Variants in DNAH9 observed in about 807,000 individuals in gnomAD.
DNAH9 encodes the protein DNAH9 variant protein.
In DNAH9, 345 loss-of-function variants were observed where a neutral mutation model predicts 471.6. The ratio of observed to expected loss-of-function variants is 0.73; its 90% confidence interval spans 0.67 to 0.80. DNAH9 has a LOEUF of 0.80. Ranked by LOEUF, DNAH9 falls within the 30% of genes least tolerant of loss-of-function variation. The probability of loss-of-function intolerance (pLI) is 0.00; values close to 1 mark genes in which losing one functional copy is unlikely to be tolerated. For missense variants in DNAH9, 5,407 were observed against 5,609.2 expected (o/e 0.96, Z 1.15); for synonymous variants, 2,093 against 2,123.6 (o/e 0.99, Z 0.40).
intron 38 of DNAH9, among the ~76,000 whole-genome samples, chr17:11,769,697 C>T (rs1389465243): frequency 6.6e-5 from 10 of 152,182 alleles, no homozygotes; most frequent in Non-Finnish European, 1.0e-4. Flanking sequence ...TCATTTAATT[C>T]ATCTCTCATA....
At chr17:11,802,319 C>G (rs1301784518) in intron 43 of DNAH9, among the ~76,000 whole-genome samples, 1 of 152,092 alleles carries the variant, frequency 6.6e-6, no homozygotes, top group Non-Finnish European at 1.5e-5. Context: ...AGAAAGGTAC[C>G]ACCTTCTGAG....
intron 38 of DNAH9, among the ~76,000 whole-genome samples, chr17:11,775,595 CTTTTTTT>C (rs71142246): frequency 1.5e-4 from 9 of 61,000 alleles, no homozygotes; most frequent in Non-Finnish European, 1.8e-4. Flanking sequence ...ATCAGATGTT[CTTTTTTT>C]TTTTTTTTTT....
At chr17:11,889,525 G>A (rs919642512) in intron 57 of DNAH9, among the ~76,000 whole-genome samples, 1 of 152,188 alleles carries the variant, frequency 6.6e-6, no homozygotes, top group Non-Finnish European at 1.5e-5. Flanking sequence ...TGTTGCCACA[G>A]TCCTTATGCC....
chr17:11,865,309 G>A (rs1354703823), intron 50 of DNAH9, among the ~76,000 whole-genome samples: 2 of 151,812 alleles, frequency 1.3e-5, no homozygotes. Context: ...GAAATTCTGG[G>A]TTGAAAATTC....
At chr17:11,668,767 A>G (rs1008106676) in intron 15 of DNAH9, among the ~76,000 whole-genome samples, 11 of 151,874 alleles carry the variant, frequency 7.2e-5, no homozygotes, top group Admixed American at 1.3e-4. Flanking sequence ...GCTTGGGCTG[A>G]TCAGTCACTA....
chr17:11,881,751 T>C (rs957313695), intron 55 of DNAH9, among the ~76,000 whole-genome samples: 1 of 151,686 alleles, frequency 6.6e-6, no homozygotes, highest in Non-Finnish European at 1.5e-5. Flanking sequence ...TACTAAAAAA[T>C]AAATATTAAA....
At chr17:11,825,075 C>CTG (rs1386485303) in intron 48 of DNAH9, among the ~76,000 whole-genome samples, 1 of 152,144 alleles carries the variant, frequency 6.6e-6, no homozygotes, top group Non-Finnish European at 1.5e-5. Context: ...TGTGATACCC[C>CTG]TGTCTTTCCC....
Position 11,744,819 on chromosome 17 carries a change from G to A in DNAH9, c.6134G>A (p.Arg2045Gln), listed in dbSNP as rs772347345. ...SKQDHYDWGL[R>Q]AIKSVLVVAG... The stretch of plus-strand genomic sequence containing the variant: ...CAGGATCACTACGACTGGGGCCTAC[G>A]GGCCATCAAGTCCGTGCTGGTGGTG... Residue 2045 changes from arginine (R) to glutamine (Q), a missense_variant, in exon 31 of 69, where the codon CGG becomes CAG. Physicochemically the swap from Arg to Gln is conservative, Grantham distance 43 (BLOSUM62 1). Coordinates refer to ENST00000262442, the MANE Select transcript of DNAH9 (RefSeq NM_001372.4). 13 of 1,613,528 alleles carry A rather than the reference G, an allele frequency of 8.1e-6. No individual in the cohort carries two copies. Among genetic ancestry groups the A allele is most frequent in the East Asian group, 2.2e-5 (1 of 44,840 alleles).
At chr17:11,657,092 A>G (rs1334804081) in intron 14 of DNAH9, among the ~76,000 whole-genome samples, 2 of 152,112 alleles carry the variant, frequency 1.3e-5, no homozygotes, top group African/African-American at 2.4e-5. Context: ...TCTCTTGAGA[A>G]CTGCAGGGTC....
intron 67 of DNAH9, among the ~76,000 whole-genome samples, chr17:11,952,109 A>G (rs1372515620): frequency 6.9e-6 from 1 of 145,898 alleles, no homozygotes; most frequent in Non-Finnish European, 1.5e-5. Context: ...AATGTAAACT[A>G]TTATGTATGT....
In DNAH9 at chr17:11,769,235, G is replaced by T; in HGVS notation, c.7458G>T (p.Val2486=). ...GCACGGCTGGCACTGGCAAGTCGGT[G>T]CTGGTGGGAGCTAAGCTGGCCAGCC... ...LVGTAGTGKS[V]LVGAKLASLD... Residue 2486 remains valine, a synonymous_variant, in exon 38 of 69, where the codon GTG becomes GTT. Coordinates refer to ENST00000262442, the MANE Select transcript of DNAH9 (RefSeq NM_001372.4). The T allele has an allele frequency of 6.2e-7, 1 of 1,614,172 alleles. No individual in the cohort carries two copies. The highest frequency in any genetic ancestry group is 8.5e-7 in the Non-Finnish European group (1 of 1,180,034).
At chr17:11,601,643 ACCCTG>A (rs2072389793) in intron 1 of DNAH9, among the ~76,000 whole-genome samples, 1 of 152,072 alleles carries the variant, frequency 6.6e-6, no homozygotes, top group African/African-American at 2.4e-5. Context: ...TTTATTCCAT[ACCCTG>A]AAGCTGATCC....
chr17:11,822,348 T>G (rs1288852100), intron 46 of DNAH9, 90 bp from the exon 47 acceptor site: 2 of 1,447,930 alleles, frequency 1.4e-6, no homozygotes, highest in Non-Finnish European at 1.9e-6. Flanking sequence ...CCCAATCTTC[T>G]GGGAGCTAGA....
In DNAH9 at chr17:11,651,300, G is replaced by A. The variant is rs2073501978; in HGVS notation, c.2329G>A (p.Glu777Lys). 6.2e-7 allele frequency: 1 copy of A among 1,613,494 alleles called. No homozygotes were observed. The highest frequency in any genetic ancestry group is 8.5e-7 in the Non-Finnish European group (1 of 1,179,846). ...NIDLRLRAAE[E>K]TLNWKTEGIC... ...TGATCTCCGCCTCAGAGCAGCAGAG[G>A]AGACTTTGAACTGGAAAACAGAAGG... Residue 777 changes from glutamate (E) to lysine (K), a missense_variant, in exon 13 of 69, where the codon GAG becomes AAG. Coordinates refer to ENST00000262442, the MANE Select transcript of DNAH9 (RefSeq NM_001372.4).
intron 59 of DNAH9, among the ~76,000 whole-genome samples, chr17:11,896,947 G>A (rs545812871): frequency 1.2e-4 from 18 of 152,248 alleles, no homozygotes; most frequent in Admixed American, 9.8e-4. Context: ...AAAATTAGCC[G>A]GGTGTGGTGG....
chr17:11,769,053 G>T, intron 37 of DNAH9, 69 bp from the exon 38 acceptor site: 1 of 1,542,048 alleles, frequency 6.5e-7, no homozygotes, highest in Non-Finnish European at 9.0e-7. Context: ...AAATGCTTCG[G>T]AACGCCGCTG....
chr17:11,652,786 C>T lies in DNAH9; in HGVS notation c.2379C>T (p.Ile793=), dbSNP rs763640682. 17 of 1,613,274 alleles carry T rather than the reference C, an allele frequency of 1.1e-5. No individual in the cohort carries two copies. The African/African-American group carries it at 1.7e-4, about 16-fold the overall frequency. The change falls in exon 14 of 69, where the codon ATC becomes ATT. Residue 793 remains isoleucine, a synonymous_variant. Coordinates refer to ENST00000262442, the MANE Select transcript of DNAH9 (RefSeq NM_001372.4). Reference sequence around the variant, plus strand: ...GCATTTGCGATTATGTCACTGAAATCACCAGTAGTATTCATGATCTTGAAC... The same window carrying T: ...GCATTTGCGATTATGTCACTGAAATTACCAGTAGTATTCATGATCTTGAAC... ...TEGICDYVTE[I]TSSIHDLEQR...
chr17:11,666,659 A>T (rs565637331), intron 15 of DNAH9, among the ~76,000 whole-genome samples: 43 of 152,282 alleles, frequency 2.8e-4, no homozygotes, highest in African/African-American at 1.0e-3. Context: ...GAAGAAAATC[A>T]TGGTGACCCC....
At chr17:11,948,596 C>T (rs185619981) in intron 67 of DNAH9, among the ~76,000 whole-genome samples, 107 of 152,240 alleles carry the variant, frequency 7.0e-4, no homozygotes, top group Middle Eastern at 3.4e-3. Flanking sequence ...AAGGGTGGGC[C>T]GTGCTATGGC....
Sources: allele counts gnomAD v4.1 joint callset (sites outside exome capture counted in the v4.1 genomes callset), GRCh38; gene constraint gnomAD v4.1.1; transcripts MANE v1.5; gene names NCBI Gene and HGNC (gene_info 2026-07-23, HGNC 2026-07-21).